SHCBP1L: variants seen among roughly 807,000 people sequenced by gnomAD.
SHCBP1L encodes testicular spindle-associated protein SHCBP1L.
Under a neutral mutation model 62.5 loss-of-function variants are expected in SHCBP1L, and 67 were observed. That is an observed-to-expected ratio of 1.07 (90% CI 0.88 to 1.31). The LOEUF is 1.31. Among genes scored for constraint, SHCBP1L ranks in the 40% most tolerant of loss-of-function variants. SHCBP1L has a pLI of 0.00. For synonymous variants in SHCBP1L, 284 were observed against 289.4 expected, an observed-to-expected ratio of 0.98 and a Z score of 0.19; for missense variants, 823 against 809.8, an observed-to-expected ratio of 1.02 and a Z score of -0.20.
At chr1:182,905,836 G>T (rs752778522) in intron 6 of SHCBP1L, among the ~76,000 whole-genome samples, 187 bp from the exon 7 acceptor site, 1 of 151,962 alleles carries the variant, frequency 6.6e-6, no homozygotes, top group African/African-American at 2.4e-5. Context: ...CTTTACAATC[G>T]TTCATCATTT....
At chr1:182,927,732 G>T (rs1650823143) in intron 6 of SHCBP1L, among the ~76,000 whole-genome samples, 1 of 148,792 alleles carries the variant, frequency 6.7e-6, no homozygotes, top group Non-Finnish European at 1.5e-5. Flanking sequence ...TATATTTCAT[G>T]AACCTCAAAA....
chr1:182,911,576 T>C (rs1650188921), intron 6 of SHCBP1L, among the ~76,000 whole-genome samples: 1 of 152,180 alleles, frequency 6.6e-6, no homozygotes, highest in Non-Finnish European at 1.5e-5. Context: ...TCTACTGTTT[T>C]AAGTGTGCAC....
intron 6 of SHCBP1L, among the ~76,000 whole-genome samples, chr1:182,918,227 T>C (rs1410840464): frequency 1.4e-5 from 2 of 146,428 alleles, no homozygotes; most frequent in East Asian, 2.0e-4. Context: ...TATATACACA[T>C]ATATATATAC....
intron 1 of SHCBP1L, 90 bp from the exon 2 acceptor site, chr1:182,951,557 T>G (rs2101963084): frequency 1.1e-6 from 1 of 923,848 alleles, no homozygotes; most frequent in Middle Eastern, 3.7e-4. Flanking sequence ...TGATTTCTAT[T>G]TTAAAATGGA....
chr1:182,939,565 C>G lies in SHCBP1L; in HGVS notation c.771-12G>C. On this transcript the variant is annotated splice_polypyrimidine_tract_variant and intron_variant, in intron 3 of 9. Coordinates refer to ENST00000367547, the MANE Select transcript of SHCBP1L (RefSeq NM_030933.4). ...AGTCATAAAAAAACCTACGATAAACCAAATTAAGATGACAGTAATCAAAAA... is the reference window on the plus strand; with the variant it reads ...AGTCATAAAAAAACCTACGATAAACGAAATTAAGATGACAGTAATCAAAAA... The G allele has an allele frequency of 3.2e-6, 5 of 1,575,126 alleles. No homozygotes were observed. The highest frequency in any genetic ancestry group is 4.3e-6 in the Non-Finnish European group (5 of 1,162,208).
chr1:182,951,513 A>T, intron 1 of SHCBP1L, 46 bp from the exon 2 acceptor site: 2 of 1,295,284 alleles, frequency 1.5e-6, no homozygotes, highest in Non-Finnish European at 2.1e-6. Flanking sequence ...ATGAAATTAT[A>T]GATTTTAAAC....
Position 182,939,562 on chromosome 1 carries a change from A to G in SHCBP1L, c.771-9T>C, listed in dbSNP as rs75886225. 8.9e-4 allele frequency: 1,404 copies of G among 1,582,188 alleles called. 9 individuals carry two copies. In the East Asian group the frequency reaches 0.016, roughly 19 times the overall value. ...GAAAGTCATAAAAAAACCTACGATAAACCAAATTAAGATGACAGTAATCAA... is the reference window on the plus strand; with the variant it reads ...GAAAGTCATAAAAAAACCTACGATAGACCAAATTAAGATGACAGTAATCAA... On this transcript the variant is annotated splice_polypyrimidine_tract_variant and intron_variant, in intron 3 of 9. Transcript: ENST00000367547.
chr1:182,918,219 T>A (rs934757729), intron 6 of SHCBP1L, among the ~76,000 whole-genome samples: 5 of 147,860 alleles, frequency 3.4e-5, no homozygotes, highest in Non-Finnish European at 7.4e-5. Context: ...TACACATATA[T>A]ATACACATAT....
chr1:182,919,651 T>C (rs527916022), intron 6 of SHCBP1L, among the ~76,000 whole-genome samples: 1 of 152,114 alleles, frequency 6.6e-6, no homozygotes, highest in Admixed American at 6.5e-5. Context: ...GACCACTAGG[T>C]GAGGGATAAG....
In SHCBP1L at chr1:182,940,412, G is replaced by C. The variant is rs1335099719; in HGVS notation, c.687C>G (p.His229Gln). The change falls in exon 3 of 10, where the codon CAC becomes CAG. Residue 229 changes from histidine to glutamine, a missense_variant. His to Gln is a conservative substitution (Grantham distance 24, BLOSUM62 0). Transcript: ENST00000367547. Reference protein sequence around the residue: ...LVDEILEELEHSVPLLEVYPV... With the variant: ...LVDEILEELEQSVPLLEVYPV... ...GATACACTTCCAAAAGAGGCACACT[G>C]TGTTCCAGTTCCTCCAAAATCTCAT... 6.2e-7 allele frequency: 1 copy of C among 1,613,864 alleles called. No homozygotes were observed. The highest frequency in any genetic ancestry group is 1.3e-5 in the African/African-American group (1 of 74,916).
intron 9 of SHCBP1L, among the ~76,000 whole-genome samples, chr1:182,902,823 A>C (rs1297335161): frequency 6.6e-6 from 1 of 152,192 alleles, no homozygotes; most frequent in African/African-American, 2.4e-5. Context: ...CTCATATTCA[A>C]GGTTATTTGC....
chr1:182,940,587 T>A (rs1312153434), intron 2 of SHCBP1L, 44 bp from the exon 3 acceptor site: 4 of 1,520,624 alleles, frequency 2.6e-6, no homozygotes, highest in Non-Finnish European at 3.6e-6. Flanking sequence ...GTTATAAATA[T>A]CAGTAAACCG....
Position 182,932,626 on chromosome 1 carries a change from C to T in SHCBP1L, c.1077-2874G>A, listed in dbSNP as rs553349300. ...TCTCCTGCCTCAGCCTCCCAAGTAGCTGGGACAACTGGCCTGCACCACCAT... is the reference window on the plus strand; with the variant it reads ...TCTCCTGCCTCAGCCTCCCAAGTAGTTGGGACAACTGGCCTGCACCACCAT... On this transcript the variant is annotated intron_variant, in intron 5 of 9. Transcript: ENST00000367547. 8.6e-5 allele frequency among the ~76,000 whole-genome samples: 13 copies of T among 150,644 alleles called. No homozygotes were observed. The South Asian group carries it at 2.5e-3, about 29-fold the overall frequency.
Position 182,904,286 on chromosome 1 carries a change from C to T in SHCBP1L, c.1481G>A (p.Gly494Asp). The T allele has an allele frequency of 6.2e-7, 1 of 1,614,108 alleles. No individual in the cohort carries two copies. The highest frequency in any genetic ancestry group is 1.3e-5 in the African/African-American group (1 of 75,010). ...TATGCAGTTTTCTAGAGTCATGTGACCAGACTCCACCACCACGATACCATC... is the reference window on the plus strand; with the variant it reads ...TATGCAGTTTTCTAGAGTCATGTGATCAGACTCCACCACCACGATACCATC... ...TVDGIVVVES[G>D]HMTLENCILK... is the part of the protein sequence containing the mutation. Residue 494 changes from glycine to aspartate, a missense_variant, in exon 8 of 10, where the codon GGT becomes GAT. Coordinates refer to ENST00000367547, the MANE Select transcript of SHCBP1L (RefSeq NM_030933.4).
intron 5 of SHCBP1L, among the ~76,000 whole-genome samples, chr1:182,935,376 T>A (rs970522814): frequency 5.3e-5 from 8 of 152,174 alleles, no homozygotes; most frequent in African/African-American, 1.7e-4. Flanking sequence ...GGTCCTATAT[T>A]TTGTTAGGTA....
intron 6 of SHCBP1L, among the ~76,000 whole-genome samples, chr1:182,912,085 G>T (rs539878093): frequency 5.9e-5 from 9 of 152,114 alleles, no homozygotes; most frequent in Non-Finnish European, 1.3e-4. Context: ...CCTTTCACCT[G>T]CCCCAGGGCA....
intron 6 of SHCBP1L, among the ~76,000 whole-genome samples, chr1:182,925,140 A>G (rs73044384): frequency 0.23 from 35,266 of 151,722 alleles, 7,248 homozygotes; most frequent in African/African-American, 0.55. Flanking sequence ...GAGGGATCAC[A>G]TATGAAATAG....
At chr1:182,934,866 T>A (rs1199093478) in intron 5 of SHCBP1L, among the ~76,000 whole-genome samples, 1 of 152,100 alleles carries the variant, frequency 6.6e-6, no homozygotes, top group African/African-American at 2.4e-5. Flanking sequence ...TAGGTTCACG[T>A]TTTTGGATAT....
intron 2 of SHCBP1L, among the ~76,000 whole-genome samples, chr1:182,946,606 T>C (rs1315706422): frequency 6.6e-6 from 1 of 152,166 alleles, no homozygotes; most frequent in Non-Finnish European, 1.5e-5. Flanking sequence ...CTCCTCAATT[T>C]GGCTTCTTAA....
Sources: gnomAD v4.1 joint callset for allele counts (sites outside exome capture counted in the v4.1 genomes callset) on GRCh38, gnomAD v4.1.1 for gene constraint, MANE v1.5 for transcripts, NCBI Gene and HGNC (gene_info 2026-07-23, HGNC 2026-07-21) for gene names.